Variants in TANGO6 observed in about 807,000 individuals in gnomAD.
TANGO6 encodes the protein transport and Golgi organization protein 6 homolog.
A neutral mutation model predicts 114.2 loss-of-function variants in TANGO6; 90 were observed. That is an observed-to-expected ratio of 0.79 (90% CI 0.66 to 0.94). The LOEUF (loss-of-function observed/expected upper bound fraction) is 0.94. TANGO6 is among the 40% of genes least tolerant of loss of function. The pLI is 0.00. For missense variants in TANGO6, 1,274 were observed against 1,315.3 expected (o/e 0.97, Z 0.49); for synonymous variants, 477 against 509.8 (o/e 0.94, Z 0.87).
intron 17 of TANGO6, among the ~76,000 whole-genome samples, chr16:69,062,486 T>A (rs887957793): frequency 1.1e-4 from 17 of 152,106 alleles, no homozygotes; most frequent in South Asian, 4.2e-4. Flanking sequence ...TTATTTATTT[T>A]TTTTGAGACG....
chr16:68,987,296 T>G (rs1017463230), intron 15 of TANGO6, among the ~76,000 whole-genome samples: 2 of 152,234 alleles, frequency 1.3e-5, no homozygotes, highest in Admixed American at 6.5e-5. Flanking sequence ...TGGGTTGATA[T>G]TCACCAAAGT....
At chr16:69,039,208 G>T (rs975789864) in intron 16 of TANGO6, among the ~76,000 whole-genome samples, 5 of 151,334 alleles carry the variant, frequency 3.3e-5, no homozygotes, top group Non-Finnish European at 7.4e-5. Context: ...AGGCATGGTT[G>T]TGTGCACCTG....
intron 14 of TANGO6, among the ~76,000 whole-genome samples, chr16:68,949,496 C>G (rs1245460042): frequency 6.6e-6 from 1 of 151,974 alleles, no homozygotes; most frequent in African/African-American, 2.4e-5. Context: ...TTGTCAGTGC[C>G]TGTAATCCCA....
At chr16:68,916,091 T>A (rs903414973) in intron 11 of TANGO6, among the ~76,000 whole-genome samples, 1 of 152,178 alleles carries the variant, frequency 6.6e-6, no homozygotes, top group African/African-American at 2.4e-5. Context: ...TAAAGCTTAG[T>A]TGTTAGCCAA....
At chr16:69,059,078 C>CT (rs34994371) in intron 17 of TANGO6, among the ~76,000 whole-genome samples, 4,277 of 130,824 alleles carry the variant, frequency 0.033, 101 homozygotes, top group Admixed American at 0.085. Flanking sequence ...CAGCTAATTT[C>CT]TTTTTTTTTT....
At chr16:68,933,526 G>A (rs911914463) in intron 14 of TANGO6, among the ~76,000 whole-genome samples, 1 of 152,182 alleles carries the variant, frequency 6.6e-6, no homozygotes, top group Non-Finnish European at 1.5e-5. Context: ...GGGCTTGGCT[G>A]GGCAGCTGGC....
intron 14 of TANGO6, among the ~76,000 whole-genome samples, chr16:68,963,830 C>T (rs1257693699): frequency 6.6e-6 from 1 of 152,200 alleles, no homozygotes; most frequent in Non-Finnish European, 1.5e-5. Flanking sequence ...CTATCATGCA[C>T]ATATCATAAT....
intron 15 of TANGO6, among the ~76,000 whole-genome samples, chr16:68,995,364 C>A (rs1963981910): frequency 6.6e-6 from 1 of 152,170 alleles, no homozygotes; most frequent in Non-Finnish European, 1.5e-5. Context: ...GGAAATCTAT[C>A]CAGGGACTAC....
chr16:68,977,451 T>C (rs1189926215), intron 15 of TANGO6, among the ~76,000 whole-genome samples: 2 of 151,330 alleles, frequency 1.3e-5, no homozygotes, highest in Non-Finnish European at 2.9e-5. Flanking sequence ...CCCAGCACTT[T>C]GGGAGGCCAA....
chr16:68,988,692 C>CTCTTTTT (rs776428911), intron 15 of TANGO6, among the ~76,000 whole-genome samples: 1 of 112,490 alleles, frequency 8.9e-6, no homozygotes, highest in African/African-American at 3.6e-5. Flanking sequence ...TTCTCTCTCT[C>CTCTTTTT]TTTTTTTTTT....
intron 17 of TANGO6, among the ~76,000 whole-genome samples, chr16:69,043,812 T>C (rs1274327767): frequency 6.6e-6 from 1 of 152,182 alleles, no homozygotes; most frequent in Non-Finnish European, 1.5e-5. Flanking sequence ...CTAATCACCA[T>C]CTCCCAAGCT....
intron 1 of TANGO6, among the ~76,000 whole-genome samples, chr16:68,857,376 C>T (rs1316841917): frequency 6.6e-6 from 1 of 151,780 alleles, no homozygotes; most frequent in Admixed American, 6.6e-5. Context: ...GAGTGTAGCA[C>T]AGTTTATCCA....
At chr16:68,845,470 A>G (rs1245853403) in intron 1 of TANGO6, among the ~76,000 whole-genome samples, 2 of 152,052 alleles carry the variant, frequency 1.3e-5, no homozygotes. Context: ...TTAGTTCGTG[A>G]AATTATATTA....
chr16:68,935,984 C>T (rs1391369563), intron 14 of TANGO6, among the ~76,000 whole-genome samples: 1 of 151,980 alleles, frequency 6.6e-6, no homozygotes, highest in African/African-American at 2.4e-5. Context: ...AATTCAAGAC[C>T]AGCCTAGGCA....
intron 15 of TANGO6, among the ~76,000 whole-genome samples, chr16:68,999,433 C>T (rs1964020328): frequency 1.3e-5 from 2 of 152,154 alleles, no homozygotes; most frequent in South Asian, 4.1e-4. Context: ...ATCCCTTAAA[C>T]AGTCTGTTTA....
At chr16:68,970,115 G>A (rs1567550555) in intron 14 of TANGO6, among the ~76,000 whole-genome samples, 2 of 152,140 alleles carry the variant, frequency 1.3e-5, no homozygotes, top group South Asian at 2.1e-4. Flanking sequence ...GCCAGCCTGG[G>A]ATACAAGTTC....
chr16:68,960,942 C>A (rs1963583079), intron 14 of TANGO6, among the ~76,000 whole-genome samples: 1 of 152,268 alleles, frequency 6.6e-6, no homozygotes, highest in Non-Finnish European at 1.5e-5. Context: ...AATCCAAGTT[C>A]TTCATTTTCT....
intron 9 of TANGO6, 25 bp from the exon 10 acceptor site, chr16:68,907,418 A>G: frequency 6.4e-7 from 1 of 1,554,728 alleles, no homozygotes; most frequent in African/African-American, 1.4e-5. Flanking sequence ...GACACTACCA[A>G]GATAAATTTT....
At chr16:69,025,404 C>A (rs749123212) in intron 16 of TANGO6, among the ~76,000 whole-genome samples, 15 of 152,192 alleles carry the variant, frequency 9.9e-5, no homozygotes, top group Non-Finnish European at 1.8e-4. Flanking sequence ...CCATTTCCCC[C>A]TCTACTGACT....
Sources: gnomAD v4.1 joint callset for allele counts (sites outside exome capture counted in the v4.1 genomes callset) on GRCh38, gnomAD v4.1.1 for gene constraint, MANE v1.5 for transcripts, NCBI Gene and HGNC (gene_info 2026-07-23, HGNC 2026-07-21) for gene names.